The following NECTIN3 variants were observed in gnomAD, a reference collection of about 807,000 sequenced individuals.
The protein encoded by NECTIN3 is nectin cell adhesion molecule 3.
Under a neutral mutation model 49.4 loss-of-function variants are expected in NECTIN3, and 8 were observed. That is an observed-to-expected ratio of 0.16 (90% CI 0.10 to 0.29). The LOEUF (loss-of-function observed/expected upper bound fraction) is 0.29. NECTIN3 is among the 10% of genes least tolerant of loss of function. The pLI, the probability that NECTIN3 is intolerant of heterozygous loss-of-function variation, is 1.00. For synonymous variants in NECTIN3, 277 were observed against 241.1 expected (o/e 1.15, Z -1.38); for missense variants, 581 against 654.6 (o/e 0.89, Z 1.23).
intron 7 of NECTIN3, among the ~76,000 whole-genome samples, chr3:111,169,875 T>G (rs2035401483): frequency 6.6e-6 from 1 of 152,204 alleles, no homozygotes; most frequent in Non-Finnish European, 1.5e-5. Context: ...GCTAATAAAT[T>G]TATACTTTGT....
At chr3:111,168,568 A>G (rs1454117092) in intron 7 of NECTIN3, among the ~76,000 whole-genome samples, 1 of 152,192 alleles carries the variant, frequency 6.6e-6, no homozygotes, top group Non-Finnish European at 1.5e-5. Context: ...TGTCTTAAGC[A>G]TCTACAAAAG....
chr3:111,182,809 A>G (rs139036774), intron 7 of NECTIN3, among the ~76,000 whole-genome samples: 71 of 152,012 alleles, frequency 4.7e-4, no homozygotes, highest in African/African-American at 1.6e-3. Flanking sequence ...TTAAATTGCT[A>G]TGTTTATGTT....
intron 4 of NECTIN3, among the ~76,000 whole-genome samples, chr3:111,124,446 A>G (rs1219795167): frequency 1.3e-5 from 2 of 152,190 alleles, no homozygotes; most frequent in African/African-American, 2.4e-5. Flanking sequence ...AATTAAAGGG[A>G]TTAAAACTTT....
chr3:111,096,848 G>T (rs1214884814), intron 1 of NECTIN3, among the ~76,000 whole-genome samples: 1 of 152,208 alleles, frequency 6.6e-6, no homozygotes, highest in Non-Finnish European at 1.5e-5. Flanking sequence ...GGATGCCCAG[G>T]CAAATGTTTG....
downstream of NECTIN3, among the ~76,000 whole-genome samples, chr3:111,139,233 A>G (rs935120072): frequency 9.2e-5 from 14 of 151,860 alleles, no homozygotes; most frequent in Admixed American, 3.9e-4. Flanking sequence ...CATTCTGTCA[A>G]GTGAGCATTC....
intron 7 of NECTIN3, among the ~76,000 whole-genome samples, chr3:111,177,504 A>G (rs1418192133): frequency 1.3e-5 from 2 of 152,124 alleles, no homozygotes; most frequent in Non-Finnish European, 2.9e-5. Context: ...CACATCTTTT[A>G]AGATGTGTAT....
At position 111,118,248 on chromosome 3, in the gene NECTIN3, CTATATATATATATA is replaced by C. The variant is rs34878535; in HGVS notation, c.503-386_503-373del. ...AAAATTTTTTTACTGTAAAATGAAG[CTATATATATATATA>C]TATATATATATATATATATATTATA... On this transcript the variant is annotated intron_variant, in intron 2 of 5. Coordinates refer to ENST00000485303, the MANE Select transcript of NECTIN3 (RefSeq NM_015480.3). Among the ~76,000 whole-genome samples the C allele has an allele frequency of 5.8e-4, 45 of 78,002 alleles. 2 individuals carry two copies. The highest frequency in any genetic ancestry group is 2.2e-3 in the South Asian group (5 of 2,240). The allele number at this position is 78,002 out of a possible 152,430, so 51.2% of individuals were successfully genotyped here. A position where few individuals can be genotyped will look rare whatever the true frequency, so the allele number is the denominator to read the frequency against.
intron 1 of NECTIN3, among the ~76,000 whole-genome samples, chr3:111,193,737 T>C (rs774586240): frequency 9.9e-5 from 15 of 152,170 alleles, no homozygotes; most frequent in Non-Finnish European, 8.8e-5. Context: ...ATTAACCTCG[T>C]TGGGTCTCAG....
At chr3:111,108,244 A>G (rs2033292549) in intron 1 of NECTIN3, among the ~76,000 whole-genome samples, 1 of 148,064 alleles carries the variant, frequency 6.8e-6, no homozygotes, top group African/African-American at 2.5e-5. Context: ...TTTTTTGTAA[A>G]TATCAACTTT....
At chr3:111,171,709 A>T (rs1576178136) in intron 7 of NECTIN3, among the ~76,000 whole-genome samples, 2 of 126,316 alleles carry the variant, frequency 1.6e-5, no homozygotes, top group East Asian at 3.9e-4. Context: ...GGGACCTCAT[A>T]AAAAAAAAAA....
upstream of NECTIN3, among the ~76,000 whole-genome samples, chr3:111,189,914 G>A (rs933917406): frequency 2.6e-5 from 4 of 152,136 alleles, no homozygotes; most frequent in Non-Finnish European, 1.5e-5. Context: ...CTGGGCTGAG[G>A]ACAGCAGCAG....
In NECTIN3 at chr3:111,101,038, T is replaced by G. The variant is rs76692602; in HGVS notation, c.161-10992T>G. Reference sequence around the variant, plus strand: ...AACTGTTGAAAGCCAGGAGGCTGCTTCTTATCTGTGTTTTGCCATTAACTA... The same window carrying G: ...AACTGTTGAAAGCCAGGAGGCTGCTGCTTATCTGTGTTTTGCCATTAACTA... On this transcript the variant is annotated intron_variant, in intron 1 of 5. Transcript: ENST00000485303. 8.9e-3 allele frequency among the ~76,000 whole-genome samples: 1,356 copies of G among 152,240 alleles called. 55 individuals are homozygous for G. Among genetic ancestry groups the G allele is most frequent in the East Asian group, 0.088 (457 of 5,180 alleles).
At chr3:111,131,969 A>G (rs888641542) in intron 5 of NECTIN3, among the ~76,000 whole-genome samples, 13 of 151,886 alleles carry the variant, frequency 8.6e-5, no homozygotes, top group South Asian at 2.1e-4. Context: ...ATGACATTCA[A>G]TACATTAAAG....
At chr3:111,115,938 T>TG (rs112371030) in intron 2 of NECTIN3, among the ~76,000 whole-genome samples, 126,779 of 152,192 alleles carry the variant, frequency 0.83, 55,586 homozygotes, top group Non-Finnish European at 0.97. Context: ...CACATCTGAA[T>TG]AAAAACAGGT....
At chr3:111,146,618 C>T (rs908595496) in intron 6 of NECTIN3, among the ~76,000 whole-genome samples, 14 of 151,704 alleles carry the variant, frequency 9.2e-5, no homozygotes, top group Admixed American at 4.6e-4. Flanking sequence ...ATTATTAGAC[C>T]ACAGAGAATT....
chr3:111,192,065 CAA>C (rs774063224), upstream of NECTIN3, among the ~76,000 whole-genome samples: 37 of 152,308 alleles, frequency 2.4e-4, no homozygotes, highest in Non-Finnish European at 4.9e-4. Context: ...CTTCTGGCCT[CAA>C]GTTATCCACC....
At chr3:111,088,591 T>TA (rs1409223685) in intron 1 of NECTIN3, among the ~76,000 whole-genome samples, 1 of 152,204 alleles carries the variant, frequency 6.6e-6, no homozygotes, top group East Asian at 1.9e-4. Context: ...ATTACATTTC[T>TA]ATGGGCCCAA....
At chr3:111,160,679 T>C (rs960484906) in intron 7 of NECTIN3, among the ~76,000 whole-genome samples, 14 of 152,164 alleles carry the variant, frequency 9.2e-5, no homozygotes, top group African/African-American at 2.9e-4. Flanking sequence ...TTATTTCTGA[T>C]GGAAAAATTG....
intron 7 of NECTIN3, among the ~76,000 whole-genome samples, chr3:111,152,250 T>G (rs182608165): frequency 2.4e-3 from 362 of 151,988 alleles, no homozygotes; most frequent in African/African-American, 8.3e-3. Flanking sequence ...GGGTAAATTT[T>G]TAAATTTTAT....
Sources: gnomAD v4.1 joint callset for allele counts (sites outside exome capture counted in the v4.1 genomes callset) on GRCh38, gnomAD v4.1.1 for gene constraint, MANE v1.5 for transcripts, NCBI Gene and HGNC (gene_info 2026-07-23, HGNC 2026-07-21) for gene names.